NUTM2B: variants seen among roughly 807,000 people sequenced by gnomAD.
NUTM2B encodes NUT family member 2B.
A neutral mutation model predicts 42.4 loss-of-function variants in NUTM2B; 2 were observed. The ratio of observed to expected loss-of-function variants is 0.05; its 90% CI spans 0.02 to 0.15. NUTM2B has a LOEUF of 0.15. NUTM2B is among the 10% of genes least tolerant of loss of function. The pLI, the probability that NUTM2B is intolerant of heterozygous loss-of-function variation, is 1.00. For missense variants in NUTM2B, 58 were observed against 952.6 expected (o/e 0.06, Z 12.36); for synonymous variants, 18 against 402.4 (o/e 0.04, Z 11.43).
At chr10:79,701,443 G>C (rs536988266), upstream of NUTM2B, among the ~76,000 whole-genome samples, 27 of 152,160 alleles carry the variant, frequency 1.8e-4, no homozygotes, top group Middle Eastern at 6.8e-3. Flanking sequence ...ACTGACTTCA[G>C]TTTGTAATAC....
At chr10:79,709,156 T>G (rs1840443540) in intron 3 of NUTM2B, among the ~76,000 whole-genome samples, 1 of 115,592 alleles carries the variant, frequency 8.7e-6, no homozygotes, top group South Asian at 3.3e-4. Flanking sequence ...CTAGTGACTA[T>G]GGACAAGAGT....
chr10:79,696,357 G>C, the NUTM2B span, among the ~76,000 whole-genome samples: 8 of 151,966 alleles, frequency 5.3e-5, no homozygotes, highest in African/African-American at 1.7e-4. Flanking sequence ...GCCAGCTCCA[G>C]CACAGCCACA....
the NUTM2B span, among the ~76,000 whole-genome samples, chr10:79,692,859 G>T: frequency 6.6e-6 from 1 of 152,120 alleles, no homozygotes; most frequent in African/African-American, 2.4e-5. Context: ...AGACACCATG[G>T]ACATACTTAT....
Position 79,711,363 on chromosome 10 carries a change from CCAGGTACCCCAGGGG to C in NUTM2B, c.1851+2_1851+16del. ...AGCAGGAGGAAGGACTCACCCTTGC[CCAGGTACCCCAGGGG>C]CAGGAGGGACCTGGCACACAAGGCC... On this transcript the variant is annotated splice_donor_variant and splice_donor_5th_base_variant and coding_sequence_variant and intron_variant, in exon 6 of 7. Transcript: ENST00000429828. LOFTEE classifies it high-confidence loss of function. 1 of 1,545,528 alleles carries C rather than the reference CCAGGTACCCCAGGGG, an allele frequency of 6.5e-7. No homozygotes were observed. Among genetic ancestry groups the C allele is most frequent in the Admixed American group, 1.7e-5 (1 of 58,792 alleles).
At chr10:79,693,791 T>A in the NUTM2B span, among the ~76,000 whole-genome samples, 1 of 152,174 alleles carries the variant, frequency 6.6e-6, no homozygotes, top group Admixed American at 6.5e-5. Context: ...CATACCCTCA[T>A]TATGTTAGGG....
At chr10:79,710,962 T>C (rs1476287170) in intron 5 of NUTM2B, among the ~76,000 whole-genome samples, 198 bp downstream of exon 5, 5 of 134,574 alleles carry the variant, frequency 3.7e-5, no homozygotes, top group African/African-American at 1.4e-4. Flanking sequence ...TCTTTGTGTG[T>C]CTGTGTAGGT....
the NUTM2B span, among the ~76,000 whole-genome samples, chr10:79,696,349 C>T: frequency 8.2e-4 from 124 of 152,112 alleles, no homozygotes; most frequent in Non-Finnish European, 1.3e-3. Flanking sequence ...CAGTACAAGC[C>T]AGCTCCAGCA....
At chr10:79,695,226 C>T in the NUTM2B span, among the ~76,000 whole-genome samples, 1 of 152,120 alleles carries the variant, frequency 6.6e-6, no homozygotes, top group Non-Finnish European at 1.5e-5. Context: ...AGATTCAGGC[C>T]CTTGTGCCTG....
intron 2 of NUTM2B, among the ~76,000 whole-genome samples, chr10:79,707,355 C>T (rs1370532367): frequency 3.0e-5 from 4 of 132,528 alleles, no homozygotes; most frequent in Non-Finnish European, 4.7e-5. Context: ...CTTGAGCTCA[C>T]ATATGACATG....
the NUTM2B span, among the ~76,000 whole-genome samples, chr10:79,692,936 G>T: frequency 6.6e-6 from 1 of 152,218 alleles, no homozygotes; most frequent in African/African-American, 2.4e-5. Flanking sequence ...GCCCCAAGCT[G>T]ACATTCCCCC....
intron 2 of NUTM2B, among the ~76,000 whole-genome samples, 163 bp downstream of exon 2, chr10:79,706,904 G>A (rs1212988406): frequency 1.0e-4 from 11 of 109,508 alleles, no homozygotes; most frequent in Middle Eastern, 4.4e-3. Flanking sequence ...ATCTGGCTGC[G>A]GCTCAGGACA....
At chr10:79,695,810 TTCTG>T in the NUTM2B span, among the ~76,000 whole-genome samples, 17 of 151,788 alleles carry the variant, frequency 1.1e-4, no homozygotes, top group African/African-American at 3.9e-4. Context: ...CTGCACAGTG[TTCTG>T]TCTACCAGGC....
intron 1 of NUTM2B, among the ~76,000 whole-genome samples, chr10:79,705,709 C>A (rs1055423031): frequency 6.9e-6 from 1 of 145,776 alleles, no homozygotes; most frequent in African/African-American, 2.5e-5. Context: ...CACCAGGCCG[C>A]TGAGAGACTC....
the NUTM2B span, among the ~76,000 whole-genome samples, chr10:79,698,038 G>T: frequency 1.3e-5 from 2 of 151,068 alleles, no homozygotes; most frequent in Admixed American, 1.3e-4. Context: ...CAAATTCTGC[G>T]AGTATTACAT....
the NUTM2B span, among the ~76,000 whole-genome samples, chr10:79,697,781 C>A: frequency 7.0e-6 from 1 of 142,624 alleles, no homozygotes; most frequent in Non-Finnish European, 1.5e-5. Flanking sequence ...TGTCATGCAT[C>A]ACCCAGAAAA....
At chr10:79,699,954 A>G (rs1564708885), upstream of NUTM2B, among the ~76,000 whole-genome samples, 1 of 152,274 alleles carries the variant, frequency 6.6e-6, no homozygotes, top group Non-Finnish European at 1.5e-5. Context: ...AGTACACACT[A>G]ACCCAACCAC....
intron 2 of NUTM2B, among the ~76,000 whole-genome samples, chr10:79,707,434 CTATCAT>C (rs1273636199): frequency 5.3e-5 from 7 of 131,170 alleles, no homozygotes; most frequent in Admixed American, 4.0e-4. Context: ...GTCCCCATTA[CTATCAT>C]TATCAAGACT....
At chr10:79,700,152 C>T (rs1840286318), upstream of NUTM2B, among the ~76,000 whole-genome samples, 1 of 152,254 alleles carries the variant, frequency 6.6e-6, no homozygotes, top group South Asian at 2.1e-4. Context: ...CAAACTATGA[C>T]TAAAGGACTG....
At chr10:79,710,893 T>A (rs922658290) in intron 5 of NUTM2B, 129 bp downstream of exon 5, 6 of 1,294,302 alleles carry the variant, frequency 4.6e-6, no homozygotes, top group African/African-American at 3.5e-5. Context: ...TGTCTGTGTA[T>A]GTGATTGTGT....
Sources: gnomAD v4.1 joint callset for allele counts (sites outside exome capture counted in the v4.1 genomes callset) on GRCh38, gnomAD v4.1.1 for gene constraint, MANE v1.5 for transcripts, NCBI Gene and HGNC (gene_info 2026-07-23, HGNC 2026-07-21) for gene names.